The following TNNT3 variants were observed in gnomAD, a reference collection of about 807,000 sequenced individuals.
TNNT3 encodes troponin T3, fast skeletal type, also known as troponin T, fast skeletal muscle.
Under a neutral mutation model 54.2 loss-of-function variants are expected in TNNT3, and 36 were observed. The observed-to-expected ratio is 0.66, with a 90% CI of 0.51 to 0.88. TNNT3 has a LOEUF of 0.88. Ranked by LOEUF, TNNT3 falls within the 40% of genes least tolerant of loss-of-function variation. The probability of loss-of-function intolerance (pLI) is 0.00; values close to 1 mark genes in which losing one functional copy is unlikely to be tolerated. For missense variants in TNNT3, 291 were observed against 331.6 expected (o/e 0.88, Z 0.95); for synonymous variants, 120 against 109.7 (o/e 1.09, Z -0.59).
chr11:1,924,200 G>T (rs1355621858), intron 4 of TNNT3, among the ~76,000 whole-genome samples: 1 of 151,976 alleles, frequency 6.6e-6, no homozygotes, highest in African/African-American at 2.4e-5. Flanking sequence ...GTCTCTCTGT[G>T]TCTCCATCCC....
At chr11:1,925,335 TGTGGGG>T in intron 5 of TNNT3, 1 of 1,459,826 alleles carries the variant, frequency 6.9e-7, no homozygotes, top group Non-Finnish European at 9.4e-7. Context: ...CTGGAGCCCA[TGTGGGG>T]GTGGGGGAGA....
At chr11:1,929,261 C>A in intron 7 of TNNT3, 118 bp downstream of exon 7, 1 of 1,313,676 alleles carries the variant, frequency 7.6e-7, no homozygotes, top group Non-Finnish European at 1.1e-6. Context: ...TCCTCTTTCT[C>A]TTCCCCTGGC....
At chr11:1,935,086 C>T in intron 14 of TNNT3, 167 bp downstream of exon 14, 1 of 714,796 alleles carries the variant, frequency 1.4e-6, no homozygotes, top group South Asian at 1.5e-5. Context: ...AGGCTGCTTT[C>T]CTGCTGGGGA....
chr11:1,929,609 C>G (rs771067998), intron 7 of TNNT3, among the ~76,000 whole-genome samples: 3 of 152,384 alleles, frequency 2.0e-5, no homozygotes, highest in Middle Eastern at 3.4e-3. Context: ...CCCCTCCAAC[C>G]CTGCCAGGGG....
Position 1,933,837 on chromosome 11 carries a change from C to T in TNNT3, c.288C>T (p.Ile96=), listed in dbSNP as rs200050378. 2.3e-5 allele frequency: 37 copies of T among 1,612,586 alleles called. No homozygotes were observed. In the East Asian group the frequency reaches 3.6e-4, roughly 16 times the overall value. ...AGCTGGTCGCTCTCAAAGAGAGAAT[C>T]GTGAGTGGGGCAGTTCAGGTTGCAG... ...EEELVALKER[I]EKRRAERAEQ... Residue 96 remains isoleucine, a splice_region_variant and synonymous_variant, in exon 10 of 16, where the codon ATC becomes ATT. Coordinates refer to ENST00000278317, the MANE Select transcript of TNNT3 (RefSeq NM_006757.4).
At chr11:1,938,303 G>A (rs1855739921) in intron 15 of TNNT3, 135 bp from the exon 16 acceptor site, 1 of 944,692 alleles carries the variant, frequency 1.1e-6, no homozygotes, top group Admixed American at 1.8e-5. Flanking sequence ...AGCTGGGTGT[G>A]GGCCGCAAGC....
intron 1 of TNNT3, among the ~76,000 whole-genome samples, chr11:1,920,288 C>T (rs914079481): frequency 6.6e-6 from 1 of 152,174 alleles, no homozygotes; most frequent in African/African-American, 2.4e-5. Flanking sequence ...TCCTGTATGG[C>T]CAGCCCGAGT....
chr11:1,924,820 C>T, intron 4 of TNNT3: 1 of 596,748 alleles, frequency 1.7e-6, no homozygotes, highest in Non-Finnish European at 3.0e-6. Flanking sequence ...AATACCAGGC[C>T]CCCAGGAGGG....
chr11:1,930,894 A>C (rs1853171440), intron 8 of TNNT3, among the ~76,000 whole-genome samples: 1 of 152,228 alleles, frequency 6.6e-6, no homozygotes, highest in Non-Finnish European at 1.5e-5. Context: ...TATAAAAGTC[A>C]AATGAAGAAA....
In TNNT3 at chr11:1,929,073, C is replaced by T. The variant is rs371251968; in HGVS notation, c.83-47C>T. The T allele has an allele frequency of 1.1e-4, 184 of 1,611,866 alleles. No individual in the cohort carries two copies. The African/African-American group carries it at 1.7e-3, about 15-fold the overall frequency. On this transcript the variant is annotated intron_variant, in intron 6 of 15. Coordinates refer to ENST00000278317, the MANE Select transcript of TNNT3 (RefSeq NM_006757.4). ...TGCCCACTGCTCCCCCGCAGCCGCACTGGCTTTTCTCTTGCATGTGTGCTT... is the reference window on the plus strand; with the variant it reads ...TGCCCACTGCTCCCCCGCAGCCGCATTGGCTTTTCTCTTGCATGTGTGCTT...
At chr11:1,930,000 G>A (rs941236771) in intron 8 of TNNT3, among the ~76,000 whole-genome samples, 172 bp downstream of exon 8, 12 of 152,336 alleles carry the variant, frequency 7.9e-5, no homozygotes, top group Non-Finnish European at 1.0e-4. Flanking sequence ...TGGTGGAGGC[G>A]GAGGAGAGGG....
Position 1,932,512 on chromosome 11 carries a change from G to C in TNNT3, c.169G>C (p.Asp57His). The C allele has an allele frequency of 6.2e-7, 1 of 1,613,780 alleles. No individual in the cohort carries two copies. Among genetic ancestry groups the C allele is most frequent in the Non-Finnish European group, 8.5e-7 (1 of 1,179,886 alleles). The stretch of plus-strand genomic sequence containing the variant: ...CCCAGAAGGGGAGAAAGTGGACTTC[G>C]ATGTAAGTTTACAGGACTCTGGTTA... ...KIPEGEKVDF[D>H]DIQKKRQNKD... Residue 57 changes from aspartate (D) to histidine (H), a missense_variant and splice_region_variant, in exon 9 of 16, where the codon GAT becomes CAT. By Grantham distance (81) the Asp-to-His change is moderately conservative. Coordinates refer to ENST00000278317, the MANE Select transcript of TNNT3 (RefSeq NM_006757.4).
intron 4 of TNNT3, chr11:1,924,770 T>G (rs1346250559): frequency 1.3e-5 from 7 of 549,260 alleles, no homozygotes; most frequent in Non-Finnish European, 2.3e-5. Context: ...AGAGCAGGAC[T>G]TAACAAGGGC....
chr11:1,929,875 T>TG, intron 8 of TNNT3, 47 bp downstream of exon 8: 1 of 1,501,700 alleles, frequency 6.7e-7, no homozygotes, highest in Non-Finnish European at 8.9e-7. Flanking sequence ...TGTTCTGGGG[T>TG]GGGGGTGGTC....
chr11:1,925,315 C>T lies in TNNT3; in HGVS notation c.67+199C>T, dbSNP rs368241154. On this transcript the variant is annotated intron_variant, in intron 5 of 15. Coordinates refer to ENST00000278317, the MANE Select transcript of TNNT3 (RefSeq NM_006757.4). ...GGACTTCTTGTCCCCATGTGGGGCC[C>T]GGGGCCTGGCTGGAGCCCATGTGGG... 474 of 1,526,254 alleles carry T rather than the reference C, an allele frequency of 3.1e-4. No homozygotes were observed. In the African/African-American group the frequency reaches 5.6e-3, roughly 18 times the overall value. 94.5% of individuals were successfully genotyped at this position (1,526,254 alleles called of 1,614,324 possible).
chr11:1,929,259 C>G, intron 7 of TNNT3, 116 bp downstream of exon 7: 2 of 1,328,272 alleles, frequency 1.5e-6, no homozygotes, highest in Non-Finnish European at 1.1e-6. Context: ...TGTCCTCTTT[C>G]TCTTCCCCTG....
chr11:1,929,664 G>T, intron 7 of TNNT3, 146 bp from the exon 8 acceptor site: 1 of 876,322 alleles, frequency 1.1e-6, no homozygotes, highest in Non-Finnish European at 1.9e-6. Context: ...TGTTTCTGGG[G>T]GTTGGGGGTA....
intron 5 of TNNT3, chr11:1,925,367 G>T: frequency 7.4e-7 from 1 of 1,355,854 alleles, no homozygotes; most frequent in Non-Finnish European, 1.0e-6. Flanking sequence ...AGAGGGTGGG[G>T]AAGCCACGAG....
chr11:1,927,557 A>T (rs1191464962), intron 6 of TNNT3, among the ~76,000 whole-genome samples: 1 of 152,166 alleles, frequency 6.6e-6, no homozygotes, highest in African/African-American at 2.4e-5. Flanking sequence ...GACTCCAGCC[A>T]TGCAGGGAGG....
Sources: allele counts gnomAD v4.1 joint callset (sites outside exome capture counted in the v4.1 genomes callset), GRCh38; gene constraint gnomAD v4.1.1; transcripts MANE v1.5; gene names NCBI Gene and HGNC (gene_info 2026-07-23, HGNC 2026-07-21).